The following ADGRV1 variants were observed in gnomAD, a reference collection of about 807,000 sequenced individuals.
ADGRV1 encodes the protein G-protein coupled receptor 98.
ADGRV1 carries 359 observed loss-of-function variants against 596.2 expected under a neutral mutation model. The ratio of observed to expected loss-of-function variants is 0.60; its 90% CI spans 0.55 to 0.66. The LOEUF is 0.66. Ranked by LOEUF, ADGRV1 falls within the 30% of genes least tolerant of loss-of-function variation. The pLI is 0.00. For synonymous variants in ADGRV1, 2,681 were observed against 2,679.2 expected (o/e 1.00, Z -0.02); for missense variants, 7,274 against 7,575.6 (o/e 0.96, Z 1.48).
intron 85 of ADGRV1, among the ~76,000 whole-genome samples, chr5:91,057,386 T>C (rs1253848995): frequency 6.6e-6 from 1 of 152,220 alleles, no homozygotes; most frequent in Non-Finnish European, 1.5e-5. Context: ...TTGGCTACAA[T>C]TAAAAACTTA....
chr5:90,972,405 C>T (rs1779127303), intron 84 of ADGRV1, among the ~76,000 whole-genome samples: 1 of 152,170 alleles, frequency 6.6e-6, no homozygotes, highest in Admixed American at 6.5e-5. Flanking sequence ...ATACATTCTT[C>T]TCAGCACCAC....
chr5:90,804,886 A>G (rs1358610659), intron 71 of ADGRV1: 7 of 152,936 alleles, frequency 4.6e-5, no homozygotes, highest in Admixed American at 4.6e-4. Context: ...CATGGTGCTT[A>G]CTTTATAAAT....
rs373038870 is a variant in ADGRV1, at chr5:90,791,262, G to A, written c.14433G>A (p.Pro4811=). ...TATCATCGGATCATAAAGAACAGCC[G>A]ATTGTTACCGAAAATGCAGAGAGGC... ...LRISSDHKEQ[P]IVTENAERQL... Residue 4811 remains proline, a synonymous_variant, in exon 70 of 90, where the codon CCG becomes CCA. Transcript: ENST00000405460. 1.2e-5 allele frequency: 20 copies of A among 1,609,490 alleles called. No homozygotes were observed. In the African/African-American group the frequency reaches 1.9e-4, roughly 15 times the overall value.
intron 19 of ADGRV1, 129 bp downstream of exon 19, chr5:90,652,692 A>G (rs2149464516): frequency 1.6e-6 from 1 of 606,702 alleles, no homozygotes; most frequent in Non-Finnish European, 2.8e-6. Flanking sequence ...TGACTATCTG[A>G]TTTTAAATGT....
intron 87 of ADGRV1, among the ~76,000 whole-genome samples, chr5:91,118,111 C>G (rs1035113267): frequency 6.6e-6 from 1 of 151,944 alleles, no homozygotes; most frequent in East Asian, 1.9e-4. Flanking sequence ...TGGTCCTTAG[C>G]CAGGCTGTAA....
At chr5:91,150,255 CTGTCTCTG>C in intron 88 of ADGRV1, 34 bp downstream of exon 88, 1 of 1,418,926 alleles carries the variant, frequency 7.0e-7, no homozygotes, top group Non-Finnish European at 9.4e-7. Context: ...CTCTGTCTCT[CTGTCTCTG>C]TCTCTCTCTC....
chr5:91,006,267 G>A (rs866487362), intron 85 of ADGRV1, among the ~76,000 whole-genome samples: 12 of 152,140 alleles, frequency 7.9e-5, no homozygotes, highest in Non-Finnish European at 7.4e-5. Flanking sequence ...GCAGATGCAG[G>A]TTTCAAGGAG....
At chr5:91,146,593 T>C (rs755476124) in intron 87 of ADGRV1, among the ~76,000 whole-genome samples, 3 of 152,178 alleles carry the variant, frequency 2.0e-5, no homozygotes, top group Non-Finnish European at 2.9e-5. Context: ...ATGAGATAAG[T>C]AGGTGAGATA....
intron 85 of ADGRV1, among the ~76,000 whole-genome samples, chr5:91,070,745 G>A (rs548589041): frequency 3.4e-4 from 52 of 152,200 alleles, no homozygotes; most frequent in Non-Finnish European, 6.6e-4. Context: ...GTTTGCCTTG[G>A]ACCCCACTAT....
At position 90,815,721 on chromosome 5, in the gene ADGRV1, C is replaced by T; in HGVS notation, c.16181C>T (p.Thr5394Ile). 6.5e-7 allele frequency: 1 copy of T among 1,541,452 alleles called. No homozygotes were observed. ...AVMRRLHLIV[T>I]RQPNRAFEDV... ...ATGAGAAGATTGCACCTTATTGTCA[C>T]AAGACAGCCAAACAGGTATGTGTAT... The change falls in exon 75 of 90, where the codon ACA (threonine) becomes ATA (isoleucine). Residue 5394 changes from threonine (T) to isoleucine (I), a missense_variant. By Grantham distance (89) the Thr-to-Ile change is moderately conservative. This residue lies in a region of ADGRV1 where 1,874 missense variants were observed against 1,970.2 expected (regional missense o/e 0.95). Transcript: ENST00000405460.
At chr5:91,001,619 G>A (rs1781861116) in intron 85 of ADGRV1, among the ~76,000 whole-genome samples, 1 of 151,992 alleles carries the variant, frequency 6.6e-6, no homozygotes, top group South Asian at 2.1e-4. Flanking sequence ...TCCTATTAAA[G>A]CTATTACTTT....
intron 1 of ADGRV1, among the ~76,000 whole-genome samples, chr5:90,577,776 G>A (rs972493305): frequency 6.6e-6 from 1 of 152,098 alleles, no homozygotes; most frequent in African/African-American, 2.4e-5. Context: ...ATTAGTTTGT[G>A]TCCTCTTTTA....
At chr5:90,688,131 C>T (rs1234772051) in intron 29 of ADGRV1, among the ~76,000 whole-genome samples, 1 of 152,116 alleles carries the variant, frequency 6.6e-6, no homozygotes, top group Non-Finnish European at 1.5e-5. Flanking sequence ...CATCACGCTA[C>T]CTGACCTCAA....
intron 87 of ADGRV1, among the ~76,000 whole-genome samples, chr5:91,119,256 A>C (rs557042605): frequency 6.6e-6 from 1 of 152,360 alleles, no homozygotes; most frequent in South Asian, 2.1e-4. Flanking sequence ...ATGCCAGTGC[A>C]CATTCCTAGT....
chr5:90,701,909 T>G (rs1747958000), intron 34 of ADGRV1, among the ~76,000 whole-genome samples: 1 of 151,826 alleles, frequency 6.6e-6, no homozygotes, highest in Non-Finnish European at 1.5e-5. Context: ...CTGCATTTTG[T>G]TTTCTTGCCA....
At chr5:90,977,984 G>A (rs73771151) in intron 84 of ADGRV1, among the ~76,000 whole-genome samples, 16,624 of 152,102 alleles carry the variant, frequency 0.11, 937 homozygotes, top group East Asian at 0.18. Flanking sequence ...TTTGGCCTAC[G>A]TTTATTAATC....
chr5:91,115,264 TC>T (rs1443086012), intron 87 of ADGRV1, among the ~76,000 whole-genome samples: 1 of 152,228 alleles, frequency 6.6e-6, no homozygotes, highest in Non-Finnish European at 1.5e-5. Flanking sequence ...TATACACTAC[TC>T]CATCAGAGCC....
chr5:91,024,483 C>T (rs1783871167), intron 85 of ADGRV1, among the ~76,000 whole-genome samples: 1 of 152,088 alleles, frequency 6.6e-6, no homozygotes, highest in African/African-American at 2.4e-5. Context: ...ATTTGTTTCT[C>T]TTCTGGGATT....
chr5:90,828,507 T>A, intron 76 of ADGRV1, among the ~76,000 whole-genome samples: 1 of 152,170 alleles, frequency 6.6e-6, no homozygotes, highest in East Asian at 1.9e-4. Flanking sequence ...TAGTTTTAAC[T>A]TTACTTTTAT....
Sources: gnomAD v4.1 joint callset for allele counts (sites outside exome capture counted in the v4.1 genomes callset) on GRCh38, gnomAD v4.1.1 for gene constraint, gnomAD v4.1.1 regional missense constraint, MANE v1.5 for transcripts, NCBI Gene and HGNC (gene_info 2026-07-23, HGNC 2026-07-21) for gene names.